The following PCDH15 variants were observed in gnomAD, a reference collection of about 807,000 sequenced individuals.
The protein encoded by PCDH15 is protocadherin-15.
In PCDH15, 129 loss-of-function variants were observed where a neutral mutation model predicts 178.5. The ratio of observed to expected loss-of-function variants is 0.72; its 90% confidence interval spans 0.63 to 0.84. The LOEUF is 0.84. PCDH15 is among the 40% of genes least tolerant of loss of function. The pLI, the probability that PCDH15 is intolerant of heterozygous loss-of-function variation, is 0.00. For synonymous variants in PCDH15, 800 were observed against 732.0 expected, an observed-to-expected ratio of 1.09 and a Z score of -1.50; for missense variants, 2,230 against 2,099.9, an observed-to-expected ratio of 1.06 and a Z score of -1.21.
chr10:54,083,637 A>G (rs2094469837), intron 16 of PCDH15, among the ~76,000 whole-genome samples: 1 of 152,174 alleles, frequency 6.6e-6, no homozygotes, highest in African/African-American at 2.4e-5. Context: ...AATAAGGAAT[A>G]GGGAGCAATT....
At chr10:54,131,554 A>G (rs1237024957) in intron 15 of PCDH15, among the ~76,000 whole-genome samples, 2 of 152,086 alleles carry the variant, frequency 1.3e-5, no homozygotes, top group Non-Finnish European at 2.9e-5. Context: ...CCAAATTTCC[A>G]TATTACTAAT....
intron 18 of PCDH15, among the ~76,000 whole-genome samples, chr10:54,026,399 G>C (rs557566698): frequency 6.6e-6 from 1 of 152,190 alleles, no homozygotes; most frequent in South Asian, 2.1e-4. Context: ...AAATATCCAA[G>C]CAGATATTCA....
intron 2 of PCDH15, among the ~76,000 whole-genome samples, chr10:55,619,088 A>G (rs1843536171): frequency 6.6e-6 from 1 of 152,052 alleles, no homozygotes; most frequent in East Asian, 1.9e-4. Flanking sequence ...AGGATCAGCT[A>G]AACCCTGTAT....
chr10:54,866,508 T>C (rs1453079548), intron 3 of PCDH15, among the ~76,000 whole-genome samples: 2 of 152,154 alleles, frequency 1.3e-5, no homozygotes, highest in East Asian at 1.9e-4. Flanking sequence ...AAGTAAAAAA[T>C]CAAAGATAGC....
At chr10:55,393,988 T>A (rs966937453) in intron 2 of PCDH15, among the ~76,000 whole-genome samples, 3 of 152,046 alleles carry the variant, frequency 2.0e-5, no homozygotes, top group Non-Finnish European at 2.9e-5. Flanking sequence ...TATAACTTTT[T>A]TTTTCTCCAA....
At chr10:54,120,827 C>T (rs2095205529) in intron 15 of PCDH15, among the ~76,000 whole-genome samples, 1 of 151,970 alleles carries the variant, frequency 6.6e-6, no homozygotes, top group South Asian at 2.1e-4. Context: ...AAGACTTAGC[C>T]ACACAATAAC....
chr10:55,213,662 T>C (rs1348607227), intron 1 of PCDH15, among the ~76,000 whole-genome samples: 1 of 151,776 alleles, frequency 6.6e-6, no homozygotes, highest in Non-Finnish European at 1.5e-5. Flanking sequence ...TTTCTAGTAT[T>C]GTTTATTTAT....
intron 1 of PCDH15, among the ~76,000 whole-genome samples, chr10:54,771,650 C>T (rs925979752): frequency 1.3e-5 from 2 of 151,804 alleles, no homozygotes; most frequent in Admixed American, 1.3e-4. Context: ...AACAAAATTG[C>T]CAATCCAAAA....
chr10:53,883,995 C>A (rs59299202), intron 26 of PCDH15, among the ~76,000 whole-genome samples: 1 of 151,788 alleles, frequency 6.6e-6, no homozygotes, highest in African/African-American at 2.4e-5. Flanking sequence ...GGATTACAGG[C>A]GTGAGCCACT....
At chr10:55,053,814 T>G (rs996234409) in intron 2 of PCDH15, among the ~76,000 whole-genome samples, 5 of 152,230 alleles carry the variant, frequency 3.3e-5, no homozygotes, top group Non-Finnish European at 5.9e-5. Context: ...TGTTAACTAT[T>G]ATCATGAAGA....
chr10:54,657,737 A>C (rs984756873), intron 2 of PCDH15, among the ~76,000 whole-genome samples: 1 of 152,196 alleles, frequency 6.6e-6, no homozygotes, highest in African/African-American at 2.4e-5. Context: ...AAAAATAAGA[A>C]GTGATATCTC....
At chr10:54,156,326 G>A (rs895110069) in intron 13 of PCDH15, among the ~76,000 whole-genome samples, 2 of 152,032 alleles carry the variant, frequency 1.3e-5, no homozygotes, top group Admixed American at 6.6e-5. Context: ...ACCTGAGACT[G>A]GGTAATTTAC....
chr10:55,218,479 C>G (rs1840772176), intron 1 of PCDH15, among the ~76,000 whole-genome samples: 1 of 151,992 alleles, frequency 6.6e-6, no homozygotes, highest in African/African-American at 2.4e-5. Context: ...TTTCTGGAAA[C>G]AGCTCTTGCC....
intron 2 of PCDH15, among the ~76,000 whole-genome samples, chr10:55,528,356 C>G (rs1377479138): frequency 2.6e-5 from 4 of 151,972 alleles, no homozygotes; most frequent in Non-Finnish European, 5.9e-5. Flanking sequence ...AGGCATATCT[C>G]CTAATGCTAT....
chr10:55,143,479 CATCT>C (rs1457501636), intron 2 of PCDH15, among the ~76,000 whole-genome samples: 1 of 152,092 alleles, frequency 6.6e-6, no homozygotes, highest in Non-Finnish European at 1.5e-5. Context: ...ATGACACATC[CATCT>C]ATCAATACTT....
At chr10:54,905,929 T>G (rs776374972) in intron 2 of PCDH15, among the ~76,000 whole-genome samples, 7 of 152,152 alleles carry the variant, frequency 4.6e-5, no homozygotes, top group Non-Finnish European at 8.8e-5. Context: ...TTTCTAAATA[T>G]ACTCAGATTA....
At chr10:54,404,881 G>A (rs1952434602) in intron 3 of PCDH15, among the ~76,000 whole-genome samples, 1 of 151,998 alleles carries the variant, frequency 6.6e-6, no homozygotes, top group African/African-American at 2.4e-5. Context: ...TGAGCAACAA[G>A]CGTATGGAAA....
In PCDH15 at chr10:54,179,782, AG is replaced by A. The variant is rs1218944044; in HGVS notation, c.1590+3661del. Reference sequence around the variant, plus strand: ...GAAGTGCTGGCATCAATACTTTAAAAGTTCCTCAGGCAGAATGCTAATAGTC... The same window carrying A: ...GAAGTGCTGGCATCAATACTTTAAAATTCCTCAGGCAGAATGCTAATAGTC... On this transcript the variant is annotated intron_variant, in intron 13 of 37. Coordinates refer to ENST00000644397, the MANE Select transcript of PCDH15 (RefSeq NM_001384140.1). 3.3e-5 allele frequency among the ~76,000 whole-genome samples: 5 copies of A among 152,188 alleles called. No individual in the cohort carries two copies. In the East Asian group the frequency reaches 9.6e-4, roughly 29 times the overall value.
chr10:55,616,836 G>C (rs1246006926), intron 2 of PCDH15, among the ~76,000 whole-genome samples: 1 of 152,078 alleles, frequency 6.6e-6, no homozygotes, highest in Non-Finnish European at 1.5e-5. Flanking sequence ...ATGTCAACTT[G>C]AATAGACTAA....
Sources: gnomAD v4.1 joint callset for allele counts (sites outside exome capture counted in the v4.1 genomes callset) on GRCh38, gnomAD v4.1.1 for gene constraint, MANE v1.5 for transcripts, NCBI Gene and HGNC (gene_info 2026-07-23, HGNC 2026-07-21) for gene names.